The following USH2A variants were observed in gnomAD, a reference collection of about 807,000 sequenced individuals.
USH2A encodes the protein usherin, also known as Usher syndrome 2A (autosomal recessive, mild).
A neutral mutation model predicts 538.9 loss-of-function variants in USH2A; 443 were observed. The ratio of observed to expected loss-of-function variants is 0.82; its 90% confidence interval spans 0.76 to 0.89. The LOEUF (loss-of-function observed/expected upper bound fraction) is 0.89, where lower values mean the gene tolerates loss of function less well. Ranked by LOEUF, USH2A falls within the 40% of genes least tolerant of loss-of-function variation. The pLI is 0.00. For missense variants in USH2A, 6,633 were observed against 6,324.8 expected, an observed-to-expected ratio of 1.05 and a Z score of -1.65; for synonymous variants, 2,413 against 2,273.5, an observed-to-expected ratio of 1.06 and a Z score of -1.75.
At chr1:216,130,129 C>G (rs957116367) in intron 21 of USH2A, among the ~76,000 whole-genome samples, 3 of 152,142 alleles carry the variant, frequency 2.0e-5, no homozygotes, top group African/African-American at 7.2e-5. Context: ...TGGAGAAACA[C>G]TCCAGGACAT....
chr1:215,898,977 T>A (rs1034654896), intron 40 of USH2A, among the ~76,000 whole-genome samples: 3 of 152,142 alleles, frequency 2.0e-5, no homozygotes, highest in African/African-American at 7.2e-5. Context: ...TCCCAGGGAG[T>A]AATTACGAAT....
rs746098518 is a variant in USH2A at position 215,629,011 on chromosome 1, G to C, written c.15322C>G (p.Arg5108Gly). 6 of 1,613,190 alleles carry C rather than the reference G, an allele frequency of 3.7e-6. No individual in the cohort carries two copies. The highest frequency in any genetic ancestry group is 5.1e-6 in the Non-Finnish European group (6 of 1,180,044). The change falls in exon 71 of 72, where the codon CGG (arginine) becomes GGG (glycine). Residue 5108 changes from arginine to glycine, a missense_variant. Arg to Gly is a moderately radical substitution (Grantham distance 125). Transcript: ENST00000307340. ...HMGLADTKIP[R>G]SGTPVSIRSN... ...CGGATACTCACAGGTGTCCCAGACC[G>C]GGGAATTTTGGTATCGGCTAACCCC... is the stretch of plus-strand genomic sequence containing the variant.
Position 215,786,681 on chromosome 1 carries a change from T to C in USH2A, c.10376A>G (p.Tyr3459Cys). The change falls in exon 52 of 72, where the codon TAC becomes TGC. Residue 3459 changes from tyrosine to cysteine, a missense_variant. Physicochemically the swap from Tyr to Cys is radical, Grantham distance 194. Coordinates refer to ENST00000307340, the MANE Select transcript of USH2A (RefSeq NM_206933.4). Reference protein sequence around the residue: ...ETIHTGSVNTYSYTDVNLKPY... With the variant: ...ETIHTGSVNTCSYTDVNLKPY... ...TTGCTTTCTGTTACCTGTGTAAGAG[T>C]ACGTGTTTACACTCCCTGTATGAAT... The C allele has an allele frequency of 6.2e-7, 1 of 1,613,944 alleles. No individual in the cohort carries two copies. Among genetic ancestry groups the C allele is most frequent in the Non-Finnish European group, 8.5e-7 (1 of 1,179,890 alleles).
At chr1:216,038,891 T>C (rs2030127208) in intron 32 of USH2A, among the ~76,000 whole-genome samples, 1 of 152,062 alleles carries the variant, frequency 6.6e-6, no homozygotes, top group Non-Finnish European at 1.5e-5. Flanking sequence ...CTGAATATTA[T>C]TCCCATGATT....
chr1:216,156,295 CTTTTT>C (rs35698520), intron 21 of USH2A, among the ~76,000 whole-genome samples: 25 of 105,516 alleles, frequency 2.4e-4, no homozygotes, highest in Non-Finnish European at 3.9e-4. Context: ...TTTTTTTTTT[CTTTTT>C]TTTTTTTTTT....
At chr1:216,074,143 T>G (rs556882699) in intron 27 of USH2A, among the ~76,000 whole-genome samples, 1 of 152,322 alleles carries the variant, frequency 6.6e-6, no homozygotes, top group South Asian at 2.1e-4. Flanking sequence ...ATTCACCACT[T>G]TTTTGTTAGA....
intron 14 of USH2A, among the ~76,000 whole-genome samples, chr1:216,227,633 G>T (rs1224051429): frequency 6.6e-6 from 1 of 152,090 alleles, no homozygotes; most frequent in Non-Finnish European, 1.5e-5. Context: ...TTTCTTCTAA[G>T]ACTAGATAAA....
intron 54 of USH2A, among the ~76,000 whole-genome samples, chr1:215,781,509 C>T (rs1452480377): frequency 6.6e-6 from 1 of 151,834 alleles, no homozygotes; most frequent in Non-Finnish European, 1.5e-5. Context: ...AGATTTTATC[C>T]CCCATGTCTG....
chr1:216,099,904 G>A (rs1428283900), intron 21 of USH2A, among the ~76,000 whole-genome samples: 1 of 152,114 alleles, frequency 6.6e-6, no homozygotes, highest in Non-Finnish European at 1.5e-5. Context: ...TAGAAGAGAA[G>A]ACGATGCTAG....
intron 32 of USH2A, among the ~76,000 whole-genome samples, chr1:216,024,219 C>T (rs1029790412): frequency 4.6e-5 from 7 of 152,168 alleles, no homozygotes; most frequent in African/African-American, 1.4e-4. Flanking sequence ...TTAGCAAGAG[C>T]TGAGCGCCAG....
At chr1:215,939,581 A>G (rs1381707222) in intron 37 of USH2A, among the ~76,000 whole-genome samples, 2 of 152,082 alleles carry the variant, frequency 1.3e-5, no homozygotes, top group East Asian at 3.9e-4. Context: ...CTATGCAATT[A>G]TTTTTAAGGA....
intron 64 of USH2A, among the ~76,000 whole-genome samples, chr1:215,668,105 C>A (rs536173101): frequency 6.6e-6 from 1 of 152,302 alleles, no homozygotes; most frequent in Admixed American, 6.5e-5. Context: ...CACTCCTCTG[C>A]AGAAGGGTGA....
At chr1:216,138,606 A>T (rs578176516) in intron 21 of USH2A, among the ~76,000 whole-genome samples, 18 of 152,082 alleles carry the variant, frequency 1.2e-4, no homozygotes, top group Admixed American at 4.6e-4. Flanking sequence ...CTTTTTATTG[A>T]CCTTTTTATT....
chr1:215,815,533 A>G (rs1001226655), intron 48 of USH2A, among the ~76,000 whole-genome samples: 17 of 152,066 alleles, frequency 1.1e-4, no homozygotes, highest in Non-Finnish European at 2.1e-4. Context: ...ATTTGGTACA[A>G]AGCTTCAGTA....
At chr1:216,397,811 A>G (rs78024282) in intron 3 of USH2A, among the ~76,000 whole-genome samples, 5,236 of 152,274 alleles carry the variant, frequency 0.034, 123 homozygotes, top group Middle Eastern at 0.075. Context: ...TGGGAGACAT[A>G]CTAGTGGCTT....
At chr1:215,658,455 G>C (rs1657334738) in intron 64 of USH2A, among the ~76,000 whole-genome samples, 1 of 152,108 alleles carries the variant, frequency 6.6e-6, no homozygotes, top group African/African-American at 2.4e-5. Context: ...TTACACATGA[G>C]AAAACTGAGG....
intron 18 of USH2A, among the ~76,000 whole-genome samples, chr1:216,197,850 C>A (rs531083304): frequency 5.9e-5 from 9 of 152,014 alleles, no homozygotes; most frequent in Admixed American, 5.9e-4. Context: ...TTGATGTCCA[C>A]GATTCTGTCA....
At chr1:216,029,150 A>G (rs1280863710) in intron 32 of USH2A, among the ~76,000 whole-genome samples, 2 of 152,104 alleles carry the variant, frequency 1.3e-5, no homozygotes, top group Admixed American at 1.3e-4. Context: ...AAATGTACAG[A>G]AGACCTTACA....
Position 216,012,122 on chromosome 1 carries a change from G to C in USH2A, c.6326-11560C>G, listed in dbSNP as rs1353144301. Among the ~76,000 whole-genome samples, 2 of 44,414 alleles carry C rather than the reference G, an allele frequency of 4.5e-5. 1 individual carries two copies. Among genetic ancestry groups the C allele is most frequent in the Non-Finnish European group, 1.0e-4 (2 of 19,972 alleles). The allele number at this position is 44,414 out of a possible 152,430, so 29.1% of individuals were successfully genotyped here. On this transcript the variant is annotated intron_variant, in intron 32 of 71. Coordinates refer to ENST00000307340, the MANE Select transcript of USH2A (RefSeq NM_206933.4). ...CTGCCTCAGCCTCCCCAGTAGCTGG[G>C]ACTACAGGCGCCCACGCTTGATTTA...
Sources: allele counts gnomAD v4.1 joint callset (sites outside exome capture counted in the v4.1 genomes callset), GRCh38; gene constraint gnomAD v4.1.1; transcripts MANE v1.5; gene names NCBI Gene and HGNC (gene_info 2026-07-23, HGNC 2026-07-21).